The following PPARG variants were observed in gnomAD, a reference collection of about 807,000 sequenced individuals.
The protein encoded by PPARG is peroxisome proliferator-activated receptor gamma.
PPARG carries 17 observed loss-of-function variants against 39.2 expected under a neutral mutation model. That is an observed-to-expected ratio of 0.43 (90% confidence interval 0.30 to 0.65). The LOEUF (loss-of-function observed/expected upper bound fraction) is 0.65, where lower values mean the gene tolerates loss of function less well. Ranked by LOEUF, PPARG falls within the 30% of genes least tolerant of loss-of-function variation. The pLI, the probability that PPARG is intolerant of heterozygous loss-of-function variation, is 0.13. For missense variants in PPARG, 406 were observed against 585.9 expected (o/e 0.69, Z 3.17); for synonymous variants, 223 against 215.7 (o/e 1.03, Z -0.30).
chr3:12,408,850 G>T (rs1022829551), intron 6 of PPARG, among the ~76,000 whole-genome samples: 1 of 148,130 alleles, frequency 6.8e-6, no homozygotes, highest in Non-Finnish European at 1.5e-5. Context: ...TAAAAAAAAA[G>T]CCTCGGTGGT....
intron 1 of PPARG, among the ~76,000 whole-genome samples, chr3:12,307,946 C>G (rs1416665771): frequency 6.6e-6 from 1 of 151,950 alleles, no homozygotes; most frequent in Non-Finnish European, 1.5e-5. Flanking sequence ...TGTTATGAGT[C>G]ACAGTGCTGA....
At chr3:12,392,889 A>G (rs1465813016) in intron 5 of PPARG, 137 bp downstream of exon 5, 6 of 1,125,972 alleles carry the variant, frequency 5.3e-6, no homozygotes, top group Non-Finnish European at 7.8e-6. Flanking sequence ...TGGCGATAAA[A>G]CATTTCTCTT....
intron 7 of PPARG, among the ~76,000 whole-genome samples, chr3:12,433,016 A>C (rs1416202345): frequency 2.0e-5 from 3 of 152,272 alleles, no homozygotes; most frequent in African/African-American, 7.2e-5. Context: ...AATTGCTTGC[A>C]ATCTTACCAC....
chr3:12,412,245 G>A (rs2050901769), intron 6 of PPARG, among the ~76,000 whole-genome samples: 1 of 151,748 alleles, frequency 6.6e-6, no homozygotes, highest in Non-Finnish European at 1.5e-5. Context: ...GATTTCTCAG[G>A]AACACTACTG....
At chr3:12,327,861 A>C in intron 2 of PPARG, 1 of 483,424 alleles carries the variant, frequency 2.1e-6, no homozygotes, top group African/African-American at 2.0e-5. Context: ...TATCACAAAC[A>C]AAGCAAGCAA....
chr3:12,429,572 A>G (rs1409487748), intron 7 of PPARG, among the ~76,000 whole-genome samples: 2 of 148,038 alleles, frequency 1.4e-5, no homozygotes, highest in Non-Finnish European at 3.0e-5. Flanking sequence ...AAAAAAAAAA[A>G]AGAAGCAGGT....
chr3:12,409,759 G>A (rs1175744588), intron 6 of PPARG, among the ~76,000 whole-genome samples: 1 of 152,156 alleles, frequency 6.6e-6, no homozygotes, highest in African/African-American at 2.4e-5. Context: ...CTTTGGAAAA[G>A]GAAATGACTT....
At chr3:12,291,455 ATCT>A (rs1244279960) in intron 1 of PPARG, among the ~76,000 whole-genome samples, 2 of 152,188 alleles carry the variant, frequency 1.3e-5, no homozygotes, top group Non-Finnish European at 2.9e-5. Context: ...ATTATTTGAA[ATCT>A]TCTTGGAAGT....
At chr3:12,397,193 A>G (rs528953837) in intron 5 of PPARG, among the ~76,000 whole-genome samples, 5 of 152,020 alleles carry the variant, frequency 3.3e-5, no homozygotes, top group Non-Finnish European at 5.9e-5. Context: ...AAAACTGACA[A>G]CTTTCAAAAT....
chr3:12,316,193 G>A (rs752977195), intron 2 of PPARG, among the ~76,000 whole-genome samples: 12 of 152,258 alleles, frequency 7.9e-5, no homozygotes, highest in African/African-American at 2.4e-4. Context: ...GAGCAGGTAC[G>A]TACTTTGGCG....
intron 2 of PPARG, among the ~76,000 whole-genome samples, chr3:12,360,240 G>A (rs2048799063): frequency 6.6e-6 from 1 of 151,992 alleles, no homozygotes; most frequent in African/African-American, 2.4e-5. Context: ...TCGAACTCTG[G>A]CCTCAAGTGG....
chr3:12,379,619 T>C, intron 2 of PPARG, 85 bp from the exon 3 acceptor site: 1 of 1,296,944 alleles, frequency 7.7e-7, no homozygotes, highest in Non-Finnish European at 1.1e-6. Flanking sequence ...TGCCAAAGAC[T>C]CTTTTCATTT....
chr3:12,361,811 C>T (rs1349098116), intron 2 of PPARG, among the ~76,000 whole-genome samples: 3 of 152,178 alleles, frequency 2.0e-5, no homozygotes, highest in Admixed American at 6.5e-5. Context: ...GCCACTTGGC[C>T]TCTTGAATTT....
At chr3:12,381,274 G>T in intron 3 of PPARG, 48 bp from the exon 4 acceptor site, 2 of 1,590,574 alleles carry the variant, frequency 1.3e-6, no homozygotes, top group Non-Finnish European at 8.6e-7. Context: ...TGCCTTTTTA[G>T]GACTGTTTTC....
intron 4 of PPARG, among the ~76,000 whole-genome samples, chr3:12,385,652 C>G (rs2049843627): frequency 6.6e-6 from 1 of 152,078 alleles, no homozygotes; most frequent in East Asian, 1.9e-4. Context: ...GTCTACCATA[C>G]AATACAATGT....
intron 1 of PPARG, 135 bp downstream of exon 1, chr3:12,289,269 T>C (rs2046589445): frequency 6.6e-6 from 1 of 152,210 alleles, no homozygotes; most frequent in Non-Finnish European, 1.5e-5. Flanking sequence ...CCAATTCACT[T>C]GGGTCATAGG....
At chr3:12,380,932 A>G (rs564730816) in intron 3 of PPARG, among the ~76,000 whole-genome samples, 1 of 152,208 alleles carries the variant, frequency 6.6e-6, no homozygotes, top group Non-Finnish European at 1.5e-5. Flanking sequence ...TACTTATAAA[A>G]TGGAATATTT....
chr3:12,327,082 G>T (rs1236340385), intron 2 of PPARG, among the ~76,000 whole-genome samples: 1 of 152,148 alleles, frequency 6.6e-6, no homozygotes, highest in East Asian at 1.9e-4. Flanking sequence ...TGATATATTT[G>T]GGAGTTACCT....
At chr3:12,315,742 G>T (rs1349468383) in intron 2 of PPARG, among the ~76,000 whole-genome samples, 3 of 152,084 alleles carry the variant, frequency 2.0e-5, no homozygotes, top group African/African-American at 7.2e-5. Flanking sequence ...TTAGCCAGTT[G>T]CTTACAGCCC....
Sources: gnomAD v4.1 joint callset for allele counts (sites outside exome capture counted in the v4.1 genomes callset) on GRCh38, gnomAD v4.1.1 for gene constraint, MANE v1.5 for transcripts, NCBI Gene and HGNC (gene_info 2026-07-23, HGNC 2026-07-21) for gene names.